PRKN: variants seen among roughly 807,000 people sequenced by gnomAD.
PRKN encodes the protein E3 ubiquitin-protein ligase parkin.
A neutral mutation model predicts 59.5 loss-of-function variants in PRKN; 56 were observed. The observed-to-expected ratio is 0.94, with a 90% CI of 0.76 to 1.18. PRKN has a LOEUF of 1.18. Among genes scored for constraint, PRKN ranks in the 50% most tolerant of loss-of-function variants. PRKN has a pLI of 0.00. For missense variants in PRKN, 657 were observed against 596.4 expected, an observed-to-expected ratio of 1.10 and a Z score of -1.06; for synonymous variants, 250 against 222.1, an observed-to-expected ratio of 1.13 and a Z score of -1.12.
intron 7 of PRKN, among the ~76,000 whole-genome samples, chr6:161,585,194 C>G (rs781525842): frequency 9.2e-5 from 14 of 152,196 alleles, no homozygotes; most frequent in Non-Finnish European, 1.9e-4. Flanking sequence ...ACACGGGCAC[C>G]ATTAAATGCT....
chr6:162,149,138 C>T (rs773395197), intron 4 of PRKN, among the ~76,000 whole-genome samples: 1 of 152,118 alleles, frequency 6.6e-6, no homozygotes, highest in African/African-American at 2.4e-5. Flanking sequence ...TTACTTTGCA[C>T]CTTCAAGGTC....
chr6:162,660,383 GC>G (rs1426727469), intron 1 of PRKN, among the ~76,000 whole-genome samples: 1 of 152,072 alleles, frequency 6.6e-6, no homozygotes, highest in Non-Finnish European at 1.5e-5. Flanking sequence ...CTCTAGTTCT[GC>G]CCACTAAATC....
intron 4 of PRKN, among the ~76,000 whole-genome samples, chr6:162,161,469 T>G (rs1409167340): frequency 6.6e-6 from 1 of 152,192 alleles, no homozygotes; most frequent in Non-Finnish European, 1.5e-5. Flanking sequence ...AATGAAAAAT[T>G]TACAGAAATA....
At chr6:162,710,773 CA>C (rs1562516573) in intron 1 of PRKN, among the ~76,000 whole-genome samples, 1 of 151,752 alleles carries the variant, frequency 6.6e-6, no homozygotes, top group Non-Finnish European at 1.5e-5. Flanking sequence ...TAAAAAAAAA[CA>C]AAAAAGCAGC....
chr6:161,642,134 G>GA (rs960776913), intron 7 of PRKN, among the ~76,000 whole-genome samples: 1 of 152,082 alleles, frequency 6.6e-6, no homozygotes, highest in Non-Finnish European at 1.5e-5. Context: ...ATAATAAAAA[G>GA]AAAAAATCTT....
At chr6:161,680,343 A>G (rs1328512874) in intron 7 of PRKN, among the ~76,000 whole-genome samples, 1 of 152,134 alleles carries the variant, frequency 6.6e-6, no homozygotes, top group Non-Finnish European at 1.5e-5. Context: ...ACAAATAAAT[A>G]TCTCCATATG....
intron 2 of PRKN, among the ~76,000 whole-genome samples, chr6:162,277,816 A>T (rs1306323549): frequency 6.6e-6 from 1 of 152,220 alleles, no homozygotes; most frequent in African/African-American, 2.4e-5. Flanking sequence ...ACTCTCGTTC[A>T]TTGCTACTGG....
In PRKN at chr6:161,386,756, G is replaced by A. The variant is rs561808120; in HGVS notation, c.1167+38C>T. On this transcript the variant is annotated intron_variant, in intron 10 of 11. Coordinates refer to ENST00000366898, the MANE Select transcript of PRKN (RefSeq NM_004562.3). The surrounding 1 kb of genome is among the most constrained non-coding windows in gnomAD (Gnocchi z 4.3). The stretch of plus-strand genomic sequence containing the variant: ...ACGGCTCCAGTCCCCCACTGTATCC[G>A]GAGCCCTGCTTGGAGGAATGAGTAG... 2.6e-5 allele frequency: 39 copies of A among 1,489,922 alleles called. No individual in the cohort carries two copies. Among genetic ancestry groups the A allele is most frequent in the East Asian group, 1.6e-4 (7 of 44,312 alleles). The allele number at this position is 1,489,922 out of a possible 1,614,324, so 92.3% of individuals were successfully genotyped here. A position where few individuals can be genotyped will look rare whatever the true frequency, so the allele number is the denominator to read the frequency against.
At position 161,785,382 on chromosome 6, in the gene PRKN, T is replaced by C. The variant is rs184348577; in HGVS notation, c.871+390A>G. The stretch of plus-strand genomic sequence containing the variant: ...TTTCTTTTTCACATATGTTATTTTA[T>C]ATATATTGGGTATGTGTTCAACATT... On this transcript the variant is annotated intron_variant, in intron 7 of 11. Transcript: ENST00000366898. 4.6e-5 allele frequency among the ~76,000 whole-genome samples: 7 copies of C among 152,320 alleles called. No homozygotes were observed. The East Asian group carries it at 7.7e-4, about 17-fold the overall frequency.
At chr6:162,442,092 G>A (rs1424527071) in intron 2 of PRKN, among the ~76,000 whole-genome samples, 3 of 152,048 alleles carry the variant, frequency 2.0e-5, no homozygotes, top group Non-Finnish European at 2.9e-5. Flanking sequence ...CCAGCAGTTT[G>A]TGCACAACGA....
intron 1 of PRKN, among the ~76,000 whole-genome samples, chr6:162,555,116 C>T (rs1779506703): frequency 6.6e-6 from 1 of 151,994 alleles, no homozygotes; most frequent in Non-Finnish European, 1.5e-5. Flanking sequence ...CCAACGCAAA[C>T]ACATGGTAAA....
chr6:161,697,368 A>G (rs965942529), intron 7 of PRKN, among the ~76,000 whole-genome samples: 5 of 152,188 alleles, frequency 3.3e-5, no homozygotes, highest in Non-Finnish European at 4.4e-5. Context: ...GAAAAGCTAC[A>G]AAGATGAAGG....
intron 5 of PRKN, among the ~76,000 whole-genome samples, chr6:162,001,586 T>A (rs926914393): frequency 6.6e-6 from 1 of 152,070 alleles, no homozygotes; most frequent in African/African-American, 2.4e-5. Flanking sequence ...TATAATGATG[T>A]CATCTGCTAC....
chr6:161,504,738 T>C (rs1405802953), intron 9 of PRKN, among the ~76,000 whole-genome samples: 3 of 144,482 alleles, frequency 2.1e-5, no homozygotes, highest in Non-Finnish European at 3.0e-5. Context: ...TGTGTTCCCA[T>C]TGTTCAATTC....
At position 161,456,268 on chromosome 6, in the gene PRKN, G is replaced by A. The variant is rs1291231196; in HGVS notation, c.1084-69391C>T. On this transcript the variant is annotated intron_variant, in intron 9 of 11. Coordinates refer to ENST00000366898, the MANE Select transcript of PRKN (RefSeq NM_004562.3). The surrounding 1 kb of genome is among the most constrained non-coding windows in gnomAD (Gnocchi z 4.8). ...CAGCTAAGATAAAAGCAGGCAGAAG[G>A]GTGTGGAAGGCCTAGACTGGCTGAG... Among the ~76,000 whole-genome samples the A allele has an allele frequency of 6.6e-6, 1 of 152,160 alleles. No individual in the cohort carries two copies. Among genetic ancestry groups the A allele is most frequent in the Non-Finnish European group, 1.5e-5 (1 of 68,032 alleles).
rs557032730 is a variant in PRKN at position 161,711,286 on chromosome 6, C to T, written c.871+74486G>A. Among the ~76,000 whole-genome samples, 10 of 152,076 alleles carry T rather than the reference C, an allele frequency of 6.6e-5. 1 individual carries two copies. In the South Asian group the frequency reaches 1.2e-3, roughly 19 times the overall value. Reference sequence around the variant, plus strand: ...TACATATAACGATGAGAAAGCAGCACGATGGTAATGCAAATGGAGGAAGCA... The same window carrying T: ...TACATATAACGATGAGAAAGCAGCATGATGGTAATGCAAATGGAGGAAGCA... On this transcript the variant is annotated intron_variant, in intron 7 of 11. Transcript: ENST00000366898.
At chr6:161,929,517 CTTTTTTT>C (rs759945931) in intron 6 of PRKN, among the ~76,000 whole-genome samples, 69 of 72,258 alleles carry the variant, frequency 9.5e-4, no homozygotes, top group African/African-American at 3.7e-3. Flanking sequence ...AATTTCACCT[CTTTTTTT>C]TTTTTTTTTT....
intron 7 of PRKN, among the ~76,000 whole-genome samples, chr6:161,681,730 G>A (rs573350496): frequency 1.3e-5 from 2 of 152,292 alleles, no homozygotes; most frequent in Non-Finnish European, 2.9e-5. Context: ...GTGCATGGCC[G>A]ATGACACAGC....
chr6:161,679,060 T>G (rs776382730), intron 7 of PRKN, among the ~76,000 whole-genome samples: 11 of 152,140 alleles, frequency 7.2e-5, no homozygotes, highest in Non-Finnish European at 1.6e-4. Context: ...TATAAATAGA[T>G]TATGCCAACC....
Sources: allele counts gnomAD v4.1 joint callset (sites outside exome capture counted in the v4.1 genomes callset), GRCh38; gene constraint gnomAD v4.1.1; non-coding constraint Gnocchi (gnomAD v3.1); transcripts MANE v1.5; gene names NCBI Gene and HGNC (gene_info 2026-07-23, HGNC 2026-07-21).